Variants in STUM observed in about 807,000 individuals in gnomAD.
STUM encodes the protein stum, mechanosensory transduction mediator homolog.
In STUM, 8 loss-of-function variants were observed where a neutral mutation model predicts 15.3. The observed-to-expected ratio is 0.52, with a 90% CI of 0.31 to 0.94. The LOEUF is 0.94. Among genes scored for constraint, STUM ranks in the 40% least tolerant of loss-of-function variants. STUM has a pLI of 0.05. For missense variants in STUM, 142 were observed against 204.9 expected (o/e 0.69, Z 1.87); for synonymous variants, 78 against 88.7 (o/e 0.88, Z 0.68).
chr1:226,592,293 C>G (rs1429160355), intron 1 of STUM, among the ~76,000 whole-genome samples: 1 of 152,234 alleles, frequency 6.6e-6, no homozygotes, highest in Non-Finnish European at 1.5e-5. Flanking sequence ...GGTGATCCAC[C>G]TGCCATGGCC....
intron 1 of STUM, among the ~76,000 whole-genome samples, chr1:226,593,224 A>C (rs144206105): frequency 6.6e-6 from 1 of 150,950 alleles, no homozygotes; most frequent in East Asian, 1.9e-4. Flanking sequence ...TGACAAATTA[A>C]TTTTCTTAAA....
rs1168268904 is a variant in STUM at position 226,567,672 on chromosome 1, A to C, written c.202+18566A>C. On this transcript the variant is annotated intron_variant, in intron 1 of 3. Transcript: ENST00000366788. This position sits in a 1 kb window ranked among gnomAD's most constrained non-coding sequence, Gnocchi z 4.5. ...AGAGAATTTTCTAATAGCCAAACAC[A>C]CATTGGAGAAGAAATGACAAATAAA... is the stretch of plus-strand genomic sequence containing the variant. Among the ~76,000 whole-genome samples, 4 of 152,172 alleles carry C rather than the reference A, an allele frequency of 2.6e-5. No individual in the cohort carries two copies. The highest frequency in any genetic ancestry group is 9.7e-5 in the African/African-American group (4 of 41,436).
At chr1:226,571,710 G>T (rs1385613621) in intron 1 of STUM, among the ~76,000 whole-genome samples, 1 of 151,914 alleles carries the variant, frequency 6.6e-6, no homozygotes, top group Non-Finnish European at 1.5e-5. Context: ...CGTGATCTTG[G>T]CTCACTGCAA....
intron 1 of STUM, among the ~76,000 whole-genome samples, chr1:226,561,897 A>C (rs1287510844): frequency 6.6e-6 from 1 of 151,986 alleles, no homozygotes; most frequent in African/African-American, 2.4e-5. Flanking sequence ...GAATCCTGAA[A>C]AATTGCTAGG....
intron 1 of STUM, among the ~76,000 whole-genome samples, chr1:226,577,741 G>A (rs1045708104): frequency 1.3e-5 from 2 of 152,170 alleles, no homozygotes; most frequent in African/African-American, 4.8e-5. Flanking sequence ...GCTTTTGGAG[G>A]CTTTAGTCAG....
Position 226,604,072 on chromosome 1 carries a change from C to T in STUM, c.*2032C>T, listed in dbSNP as rs763690341. The T allele has an allele frequency of 5.3e-5, 8 of 152,300 alleles. No homozygotes were observed. The highest frequency in any genetic ancestry group is 1.2e-4 in the Non-Finnish European group (8 of 68,158). The allele number at this position is 152,300 out of a possible 1,614,324, so 9.4% of individuals were successfully genotyped here. ...CCTCCCATGCCCACCAGCCCACAGC[C>T]CTTCACCCCACACAGCCCCCAGAGT... On this transcript the variant is annotated 3_prime_UTR_variant, in exon 4 of 4. Transcript: ENST00000366788. The surrounding 1 kb of genome is among the most constrained non-coding windows in gnomAD (Gnocchi z 4.7).
At chr1:226,595,727 T>A (rs922472209) in intron 1 of STUM, among the ~76,000 whole-genome samples, 44 of 151,924 alleles carry the variant, frequency 2.9e-4, no homozygotes, top group African/African-American at 1.0e-3. Context: ...GAAGCAGAGG[T>A]CAGGGAGAAG....
chr1:226,573,212 C>T (rs982111868), intron 1 of STUM, among the ~76,000 whole-genome samples: 1 of 152,208 alleles, frequency 6.6e-6, no homozygotes, highest in African/African-American at 2.4e-5. Flanking sequence ...CCTTTCTAAC[C>T]TTGGCCAGGT....
Position 226,600,557 on chromosome 1 carries a change from G to C in STUM, c.383-109G>C, listed in dbSNP as rs1421806791. The stretch of plus-strand genomic sequence containing the variant: ...ATCTCCCAGGCCTCACCATGGATCT[G>C]CTTTGTTTCCTGTGCCAAGCGTTCC... On this transcript the variant is annotated intron_variant, in intron 2 of 3. Coordinates refer to ENST00000366788, the MANE Select transcript of STUM (RefSeq NM_001003665.4). This position sits in a 1 kb window ranked among gnomAD's most constrained non-coding sequence, Gnocchi z 5.2. 7.3e-7 allele frequency: 1 copy of C among 1,360,662 alleles called. No homozygotes were observed. The highest frequency in any genetic ancestry group is 1.4e-5 in the African/African-American group (1 of 70,070). 84.3% of individuals were successfully genotyped at this position (1,360,662 alleles called of 1,614,324 possible).
Position 226,549,450 on chromosome 1 carries a change from C to A in STUM, c.202+344C>A, listed in dbSNP as rs978292727. 5.3e-5 allele frequency among the ~76,000 whole-genome samples: 8 copies of A among 152,322 alleles called. No homozygotes were observed. Among genetic ancestry groups the A allele is most frequent in the South Asian group, 2.1e-4 (1 of 4,828 alleles). On this transcript the variant is annotated intron_variant, in intron 1 of 3. Coordinates refer to ENST00000366788, the MANE Select transcript of STUM (RefSeq NM_001003665.4). The surrounding 1 kb of genome is among the most constrained non-coding windows in gnomAD (Gnocchi z 6.8). The stretch of plus-strand genomic sequence containing the variant: ...CGCCCCGATTTCTGCTCCTTCTCTC[C>A]GTCGTGTGCATCCGTCCGCGAGCCC...
At position 226,596,845 on chromosome 1, in the gene STUM, C is replaced by T. The variant is rs752294585; in HGVS notation, c.246C>T (p.Thr82=). 1.9e-5 allele frequency: 31 copies of T among 1,614,064 alleles called. No homozygotes were observed. The highest frequency in any genetic ancestry group is 1.5e-4 in the South Asian group (14 of 91,086). Residue 82 remains threonine (T), a synonymous_variant, in exon 2 of 4, where the codon ACC becomes ACT. Transcript: ENST00000366788. ...TCACTGTGCTGTGCGGGGCCCGCAC[C>T]GACCTCCCGGACAGGCATGTGTGCT... ...SAFTVLCGAR[T]DLPDRHVCCV...
At chr1:226,596,506 G>A (rs796559235) in intron 1 of STUM, among the ~76,000 whole-genome samples, 2 of 152,340 alleles carry the variant, frequency 1.3e-5, no homozygotes, top group African/African-American at 4.8e-5. Context: ...CTTCCCAGAA[G>A]GGACTGCTTG....
At chr1:226,566,652 A>G (rs1473977758) in intron 1 of STUM, among the ~76,000 whole-genome samples, 2 of 152,202 alleles carry the variant, frequency 1.3e-5, no homozygotes, top group South Asian at 2.1e-4. Context: ...ATAGAAAAAA[A>G]TCAAACTTTG....
chr1:226,555,853 C>A (rs1667437716), intron 1 of STUM, among the ~76,000 whole-genome samples: 2 of 152,066 alleles, frequency 1.3e-5, no homozygotes, highest in South Asian at 4.1e-4. Context: ...AAATATAAGT[C>A]ACATAGAGAA....
At position 226,552,630 on chromosome 1, in the gene STUM, T is replaced by C. The variant is rs749483882; in HGVS notation, c.202+3524T>C. Among the ~76,000 whole-genome samples the C allele has an allele frequency of 1.3e-4, 20 of 152,160 alleles. No individual in the cohort carries two copies. The highest frequency in any genetic ancestry group is 2.5e-4 in the Non-Finnish European group (17 of 68,030). On this transcript the variant is annotated intron_variant, in intron 1 of 3. Transcript: ENST00000366788. The surrounding 1 kb of genome is among the most constrained non-coding windows in gnomAD (Gnocchi z 4.7). ...CCTCCATTGACCTTTAACCACTCCATTGGACTCAGGACATCAGATAGGGAC... is the reference window on the plus strand; with the variant it reads ...CCTCCATTGACCTTTAACCACTCCACTGGACTCAGGACATCAGATAGGGAC...
intron 3 of STUM, among the ~76,000 whole-genome samples, chr1:226,601,653 C>A (rs889464822): frequency 2.0e-5 from 3 of 152,290 alleles, no homozygotes; most frequent in African/African-American, 7.2e-5. Flanking sequence ...TTCGGGGAAG[C>A]CTGCCTGGCA....
At chr1:226,592,672 G>T (rs1275752693) in intron 1 of STUM, among the ~76,000 whole-genome samples, 1 of 152,114 alleles carries the variant, frequency 6.6e-6, no homozygotes, top group African/African-American at 2.4e-5. Context: ...TTCCACTTTG[G>T]CAGCGTTCTC....
At chr1:226,571,006 G>A (rs912930279) in intron 1 of STUM, among the ~76,000 whole-genome samples, 1 of 152,276 alleles carries the variant, frequency 6.6e-6, no homozygotes, top group Middle Eastern at 3.4e-3. Flanking sequence ...CGAGGCGGGA[G>A]GATCACTTGA....
intron 1 of STUM, among the ~76,000 whole-genome samples, chr1:226,594,757 C>T (rs113897055): frequency 0.098 from 14,937 of 152,190 alleles, 1,224 homozygotes; most frequent in African/African-American, 0.22. Context: ...TGGGTTCAAG[C>T]GATTTTCCTG....
Sources: gnomAD v4.1 joint callset for allele counts (sites outside exome capture counted in the v4.1 genomes callset) on GRCh38, gnomAD v4.1.1 for gene constraint, Gnocchi (gnomAD v3.1) non-coding constraint, MANE v1.5 for transcripts, NCBI Gene and HGNC (gene_info 2026-07-23, HGNC 2026-07-21) for gene names.